MAP7D1: variants seen among roughly 807,000 people sequenced by gnomAD.
MAP7D1 encodes MAP7 domain containing 1, also known as MAP7 domain-containing protein 1.
Under a neutral mutation model 97.5 loss-of-function variants are expected in MAP7D1, and 30 were observed. That is an observed-to-expected ratio of 0.31 (90% CI 0.23 to 0.42). MAP7D1 has a LOEUF of 0.42. Ranked by LOEUF, MAP7D1 falls within the 10% of genes least tolerant of loss-of-function variation. MAP7D1 has a pLI of 1.00. For synonymous variants in MAP7D1, 536 were observed against 477.1 expected, an observed-to-expected ratio of 1.12 and a Z score of -1.61; for missense variants, 1,184 against 1,179.5, an observed-to-expected ratio of 1.00 and a Z score of -0.06.
intron 1 of MAP7D1, among the ~76,000 whole-genome samples, chr1:36,170,514 C>T (rs1368785564): frequency 2.0e-5 from 3 of 152,114 alleles, no homozygotes; most frequent in South Asian, 4.1e-4. Context: ...ATTTGGTGCA[C>T]GAATAAGTGC....
intron 9 of MAP7D1, 61 bp from the exon 10 acceptor site, chr1:36,178,358 T>C: frequency 6.5e-7 from 1 of 1,545,880 alleles, no homozygotes; most frequent in East Asian, 2.3e-5. Context: ...CACAGGCCGC[T>C]GGGAGATGAC....
intron 1 of MAP7D1, among the ~76,000 whole-genome samples, chr1:36,164,635 G>A (rs1032765994): frequency 1.3e-5 from 2 of 152,166 alleles, no homozygotes; most frequent in African/African-American, 4.8e-5. Context: ...GGGTAGGAGA[G>A]GAGATCCAAG....
Position 36,174,452 on chromosome 1 carries a change from G to A in MAP7D1, c.740-446G>A, listed in dbSNP as rs1014513052. Among the ~76,000 whole-genome samples, 9 of 152,312 alleles carry A rather than the reference G, an allele frequency of 5.9e-5. No individual in the cohort carries two copies. In the East Asian group the frequency reaches 1.5e-3, roughly 26 times the overall value. ...TCTTTTTGTGATTCTGGATGAACAC[G>A]TGGATTTGTGCAAGTGACTGTGACT... On this transcript the variant is annotated intron_variant, in intron 5 of 16. Coordinates refer to ENST00000474796, the MANE Select transcript of MAP7D1 (RefSeq NM_001388490.1).
In MAP7D1 at chr1:36,178,946, G is replaced by T; in HGVS notation, c.2051G>T (p.Arg684Leu). ...AAAGAGGAGGCCGAAGCTCGGTCGC[G>T]GGAAGAGGCGGAGCGGCAGCGTCTG... ...KQKEEAEARS[R>L]EEAERQRLER... Residue 684 changes from arginine to leucine, a missense_variant, in exon 12 of 17, where the codon CGG becomes CTG. Physicochemically the swap from Arg to Leu is moderately radical, Grantham distance 102. Coordinates refer to ENST00000474796, the MANE Select transcript of MAP7D1 (RefSeq NM_001388490.1). The T allele has an allele frequency of 6.4e-7, 1 of 1,557,924 alleles. No individual in the cohort carries two copies.
intron 1 of MAP7D1, among the ~76,000 whole-genome samples, chr1:36,161,842 C>G (rs75997950): frequency 0.018 from 2,790 of 151,600 alleles, 94 homozygotes; most frequent in African/African-American, 0.063. Context: ...TTTTGAATCC[C>G]AGTAAGTCTG....
rs762122037 is a variant in MAP7D1, at chr1:36,179,877, C to T, written c.2322C>T (p.Leu774=). 1.2e-6 allele frequency: 2 copies of T among 1,611,816 alleles called. No individual in the cohort carries two copies. Among genetic ancestry groups the T allele is most frequent in the South Asian group, 2.2e-5 (2 of 90,848 alleles). The change falls in exon 16 of 17, where the codon CTC becomes CTT. Residue 774 remains leucine, a synonymous_variant. Transcript: ENST00000474796. ...GCCTTGGCCTCTGCATCCACAGTCTCCCAAGCAAGGAGTTGCCAGCGTCCC... is the reference window on the plus strand; with the variant it reads ...GCCTTGGCCTCTGCATCCACAGTCTTCCAAGCAAGGAGTTGCCAGCGTCCC... ...EPIPQEPQWS[L]PSKELPASLV...
In MAP7D1 at chr1:36,180,633, G is replaced by A; in HGVS notation, c.*375G>A. 1 of 290,862 alleles carries A rather than the reference G, an allele frequency of 3.4e-6. No homozygotes were observed. The highest frequency in any genetic ancestry group is 6.6e-6 in the Non-Finnish European group (1 of 151,384). The allele number at this position is 290,862 out of a possible 1,614,324, so 18.0% of individuals were successfully genotyped here. On this transcript the variant is annotated 3_prime_UTR_variant, in exon 17 of 17. Transcript: ENST00000474796. Reference sequence around the variant, plus strand: ...CAGACTCCTCTGCGTGGAGAGGGTGGGTGCAGGAGGCAGACCCTCCCCCCA... The same window carrying A: ...CAGACTCCTCTGCGTGGAGAGGGTGAGTGCAGGAGGCAGACCCTCCCCCCA...
intron 1 of MAP7D1, 125 bp from the exon 2 acceptor site, chr1:36,170,846 C>A (rs1301304913): frequency 1.5e-6 from 1 of 646,592 alleles, no homozygotes; most frequent in Non-Finnish European, 2.8e-6. Flanking sequence ...CAGGGCCCGG[C>A]ACATAGAAAT....
At position 36,173,418 on chromosome 1, in the gene MAP7D1, C is replaced by A. The variant is rs768616971; in HGVS notation, c.679C>A (p.Arg227=). 2 of 1,613,838 alleles carry A rather than the reference C, an allele frequency of 1.2e-6. No homozygotes were observed. The highest frequency in any genetic ancestry group is 2.2e-5 in the East Asian group (1 of 44,832). Residue 227 remains arginine, a synonymous_variant, in exon 5 of 17, where the codon CGG becomes AGG. Transcript: ENST00000474796. ...RSVKKTWAEI[R]QQRWSWAGAL... is the part of the protein sequence containing the mutation. ...AGTGAAGAAGACGTGGGCCGAAATC[C>A]GGCAGCAGCGCTGGTCCTGGGCAGG...
At chr1:36,173,753 T>C (rs1325121719) in intron 5 of MAP7D1, among the ~76,000 whole-genome samples, 2 of 152,330 alleles carry the variant, frequency 1.3e-5, no homozygotes, top group Middle Eastern at 3.4e-3. Flanking sequence ...TTATTATTAG[T>C]TGTTGATACA....
chr1:36,175,049 T>G (rs1026413577), intron 6 of MAP7D1, 41 bp downstream of exon 6: 4 of 1,366,186 alleles, frequency 2.9e-6, no homozygotes, highest in East Asian at 2.3e-5. Flanking sequence ...GAGCCCCTTG[T>G]AGCTCCCACC....
rs1344151698 is a variant in MAP7D1, at chr1:36,178,791, G to A, written c.1993G>A (p.Glu665Lys). The change falls in exon 11 of 17, where the codon GAG (glutamate) becomes AAG (lysine). Residue 665 changes from glutamate (E) to lysine (K), a missense_variant. Physicochemically the swap from Glu to Lys is moderately conservative, Grantham distance 56. Transcript: ENST00000474796. ...GGAGGCACGAGAGAAGGCGCAGGCC[G>A]AGCAGGAGGAGCAGGAGCGGCTGCA... is the stretch of plus-strand genomic sequence containing the variant. ...EQEAREKAQA[E>K]QEEQERLQKQ... is the part of the protein sequence containing the mutation. The A allele has an allele frequency of 1.3e-6, 2 of 1,546,506 alleles. No individual in the cohort carries two copies.
intron 1 of MAP7D1, among the ~76,000 whole-genome samples, chr1:36,161,043 C>T (rs957117468): frequency 5.9e-5 from 9 of 152,230 alleles, no homozygotes; most frequent in African/African-American, 1.9e-4. Context: ...CATTTCCTGC[C>T]GCCTAAAATA....
At chr1:36,163,829 T>C (rs1389802095) in intron 1 of MAP7D1, among the ~76,000 whole-genome samples, 4 of 138,844 alleles carry the variant, frequency 2.9e-5, no homozygotes, top group Admixed American at 7.3e-5. Context: ...TTTTTTTTTT[T>C]TTTTTTTTTT....
intron 4 of MAP7D1, 79 bp from the exon 5 acceptor site, chr1:36,173,285 A>C: frequency 9.7e-7 from 1 of 1,032,286 alleles, no homozygotes; most frequent in Non-Finnish European, 1.5e-6. Context: ...GCATTGTCAC[A>C]GGAGGAAGAA....
chr1:36,157,277 C>G (rs969931088), intron 1 of MAP7D1: 1 of 152,352 alleles, frequency 6.6e-6, no homozygotes, highest in African/African-American at 2.4e-5. Context: ...CCCAATCTCC[C>G]ACTAGAGAAT....
intron 1 of MAP7D1, 72 bp downstream of exon 1, chr1:36,156,535 G>A: frequency 1.6e-6 from 2 of 1,259,184 alleles, no homozygotes; most frequent in South Asian, 1.9e-5. Flanking sequence ...GGATGAGGCC[G>A]GCCGGCTGGG....
chr1:36,178,438 A>G lies in MAP7D1; in HGVS notation c.1728A>G (p.Ser576=). The part of the protein sequence containing the change: ...ETPTDAAVLT[S]PPAPAPPVTP... ...CTCCAGACGCTGCTGTCTTGACCTC[A>G]CCCCCAGCCCCTGCTCCCCCGGTGA... is the stretch of plus-strand genomic sequence containing the variant. Residue 576 remains serine (S), a synonymous_variant, in exon 10 of 17, where the codon TCA becomes TCG. Transcript: ENST00000474796. 6.2e-7 allele frequency: 1 copy of G among 1,608,654 alleles called. No individual in the cohort carries two copies. Among genetic ancestry groups the G allele is most frequent in the Non-Finnish European group, 8.5e-7 (1 of 1,178,762 alleles).
chr1:36,176,609 C>A lies in MAP7D1; in HGVS notation c.1233+28C>A, dbSNP rs753953981. The stretch of plus-strand genomic sequence containing the variant: ...GAGTGGCTCTACTGGCTCGAGTGGC[C>A]GCGCAGGTGGGGACAGGCAGCCTGG... On this transcript the variant is annotated intron_variant, in intron 7 of 16. Transcript: ENST00000474796. The surrounding 1 kb of genome is among the most constrained non-coding windows in gnomAD (Gnocchi z 6.1). The A allele has an allele frequency of 1.0e-4, 161 of 1,544,276 alleles. 1 individual carries two copies. Among genetic ancestry groups the A allele is most frequent in the Admixed American group, 9.5e-5 (5 of 52,866 alleles).
Sources: allele counts gnomAD v4.1 joint callset (sites outside exome capture counted in the v4.1 genomes callset), GRCh38; gene constraint gnomAD v4.1.1; non-coding constraint Gnocchi (gnomAD v3.1); transcripts MANE v1.5; gene names NCBI Gene and HGNC (gene_info 2026-07-23, HGNC 2026-07-21).